ASCC3: variants seen among roughly 807,000 people sequenced by gnomAD.
ASCC3 encodes activating signal cointegrator 1 complex subunit 3.
ASCC3 carries 158 observed loss-of-function variants against 256.3 expected under a neutral mutation model. That is an observed-to-expected ratio of 0.62 (90% CI 0.54 to 0.70). The LOEUF (loss-of-function observed/expected upper bound fraction) is 0.70. Ranked by LOEUF, ASCC3 falls within the 30% of genes least tolerant of loss-of-function variation. The pLI is 0.00. For missense variants in ASCC3, 2,259 were observed against 2,626.0 expected (o/e 0.86, Z 3.05); for synonymous variants, 948 against 883.4 (o/e 1.07, Z -1.30).
chr6:100,855,159 T>C (rs1481848871), intron 3 of ASCC3, among the ~76,000 whole-genome samples: 1 of 151,796 alleles, frequency 6.6e-6, no homozygotes, highest in Non-Finnish European at 1.5e-5. Flanking sequence ...TGTCACCCAG[T>C]CTGGAGTGCA....
chr6:100,866,000 C>T (rs1773461271), intron 2 of ASCC3, among the ~76,000 whole-genome samples: 1 of 145,466 alleles, frequency 6.9e-6, no homozygotes, highest in Non-Finnish European at 1.5e-5. Context: ...GATGGAGTCT[C>T]GCTCTGTCAC....
chr6:100,728,117 T>C (rs1225292565), intron 10 of ASCC3, among the ~76,000 whole-genome samples: 1 of 152,094 alleles, frequency 6.6e-6, no homozygotes, highest in Non-Finnish European at 1.5e-5. Flanking sequence ...CACATATAAA[T>C]GTAACTATAG....
At chr6:100,826,372 C>G (rs1421312948) in intron 4 of ASCC3, among the ~76,000 whole-genome samples, 1 of 152,174 alleles carries the variant, frequency 6.6e-6, no homozygotes, top group East Asian at 1.9e-4. Flanking sequence ...ACCTTGTGAT[C>G]TGCCTGCCTC....
chr6:100,540,106 A>G, intron 37 of ASCC3, 57 bp downstream of exon 37: 1 of 1,485,556 alleles, frequency 6.7e-7, no homozygotes, highest in Non-Finnish European at 9.4e-7. Flanking sequence ...AACTAGAAAA[A>G]AGAGGGCAGG....
chr6:100,546,095 AT>A (rs1250888384), intron 36 of ASCC3, among the ~76,000 whole-genome samples: 1 of 152,164 alleles, frequency 6.6e-6, no homozygotes, highest in Non-Finnish European at 1.5e-5. Context: ...AATTGATTGT[AT>A]TTTTCTGTAT....
At position 100,858,886 on chromosome 6, in the gene ASCC3, A is replaced by G. The variant is rs192853344; in HGVS notation, c.241+5178T>C. 737 of 503,004 alleles carry G rather than the reference A, an allele frequency of 1.5e-3. 10 individuals are homozygous for G. The East Asian group carries it at 0.024, about 16-fold the overall frequency. 31.2% of individuals were successfully genotyped at this position (503,004 alleles called of 1,614,324 possible). On this transcript the variant is annotated intron_variant, in intron 3 of 41. Transcript: ENST00000369162. The stretch of plus-strand genomic sequence containing the variant: ...TTTTTTTCTGATTCAAGAGTCAATC[A>G]AGGATCATACATTACATTTTGATTA...
chr6:100,664,190 A>G (rs1218124566), intron 14 of ASCC3, among the ~76,000 whole-genome samples: 1 of 152,126 alleles, frequency 6.6e-6, no homozygotes, highest in Non-Finnish European at 1.5e-5. Context: ...TATTGGTCTC[A>G]AAATCTCATT....
rs185705910 is a variant in ASCC3 at position 100,735,659 on chromosome 6, C to T, written c.1738-9956G>A. Among the ~76,000 whole-genome samples the T allele has an allele frequency of 3.1e-3, 474 of 152,094 alleles. 4 individuals are homozygous for T. Among genetic ancestry groups the T allele is most frequent in the African/African-American group, 0.011 (463 of 41,494 alleles). ...TTCAGCAATCTTGCTTTCATAATTCCATCCTAGAAAAAGGCACAGACACAA... is the reference window on the plus strand; with the variant it reads ...TTCAGCAATCTTGCTTTCATAATTCTATCCTAGAAAAAGGCACAGACACAA... On this transcript the variant is annotated intron_variant, in intron 10 of 41. Coordinates refer to ENST00000369162, the MANE Select transcript of ASCC3 (RefSeq NM_006828.4).
rs542629307 is a variant in ASCC3 at position 100,531,014 on chromosome 6, C to A, written c.5775+9149G>T. 7.5e-6 allele frequency: 12 copies of A among 1,594,390 alleles called. No individual in the cohort carries two copies. The East Asian group carries it at 2.5e-4, about 33-fold the overall frequency. On this transcript the variant is annotated intron_variant, in intron 37 of 41. Coordinates refer to ENST00000369162, the MANE Select transcript of ASCC3 (RefSeq NM_006828.4). ...TATTGATGACTTTGTGGAATTTGCA[C>A]GCCCTCAAACTGCTGGGACAAAAAG...
At chr6:100,597,051 A>C (rs1470703372) in intron 34 of ASCC3, among the ~76,000 whole-genome samples, 1 of 152,132 alleles carries the variant, frequency 6.6e-6, no homozygotes, top group East Asian at 1.9e-4. Context: ...TGTTTTCTAG[A>C]AAGTGGTCAA....
intron 4 of ASCC3, among the ~76,000 whole-genome samples, chr6:100,814,801 T>C (rs1405933136): frequency 6.6e-6 from 1 of 152,136 alleles, no homozygotes; most frequent in Non-Finnish European, 1.5e-5. Context: ...CCCTTATTCT[T>C]AATTGTGTTT....
chr6:100,755,272 G>C (rs1416825435), intron 10 of ASCC3, among the ~76,000 whole-genome samples: 2 of 152,034 alleles, frequency 1.3e-5, no homozygotes, highest in Non-Finnish European at 2.9e-5. Flanking sequence ...AAGTAAGTTT[G>C]GAAAATGCTA....
chr6:100,698,935 C>A (rs1477946502), intron 13 of ASCC3, among the ~76,000 whole-genome samples: 1 of 152,140 alleles, frequency 6.6e-6, no homozygotes, highest in Admixed American at 6.5e-5. Flanking sequence ...ATTCATCAAA[C>A]ACTGTCTGAG....
chr6:100,657,807 A>C (rs1775986608), intron 16 of ASCC3, among the ~76,000 whole-genome samples: 2 of 151,536 alleles, frequency 1.3e-5, no homozygotes, highest in Admixed American at 6.6e-5. Flanking sequence ...AAGACTACTC[A>C]GAAAAATGAA....
At chr6:100,866,560 C>A (rs1773488643) in intron 2 of ASCC3, among the ~76,000 whole-genome samples, 1 of 152,198 alleles carries the variant, frequency 6.6e-6, no homozygotes, top group Non-Finnish European at 1.5e-5. Flanking sequence ...ATGTGACTAT[C>A]TTTGAAAATC....
At chr6:100,632,539 A>G (rs1298215095) in intron 25 of ASCC3, among the ~76,000 whole-genome samples, 1 of 152,150 alleles carries the variant, frequency 6.6e-6, no homozygotes, top group African/African-American at 2.4e-5. Context: ...AAAACCAGTC[A>G]GACGCATCAC....
Position 100,646,640 on chromosome 6 carries a change from T to C in ASCC3, c.3608A>G (p.Tyr1203Cys), listed in dbSNP as rs7773345. The change falls in exon 22 of 42, where the codon TAT becomes TGT. Residue 1203 changes from tyrosine to cysteine, a missense_variant. Physicochemically the swap from Tyr to Cys is radical, Grantham distance 194. Transcript: ENST00000369162. ...CTGATCATTCCAAGTGAAATCAGCA[T>C]AGATGCTGAGTGTCACTCGGAGGAC... ...RTVLRVTLSI[Y>C]ADFTWNDQVH... The C allele has an allele frequency of 2.6e-3, 4,134 of 1,614,066 alleles. 92 individuals are homozygous for C. The African/African-American group carries it at 0.049, about 19-fold the overall frequency.
At position 100,661,815 on chromosome 6, in the gene ASCC3, T is replaced by A; in HGVS notation, c.2694A>T (p.Leu898=). Residue 898 remains leucine (L), a synonymous_variant, in exon 16 of 42, where the codon CTA becomes CTT. Coordinates refer to ENST00000369162, the MANE Select transcript of ASCC3 (RefSeq NM_006828.4). The part of the protein sequence containing the change: ...SQFLESLADN[L]NAEIALGTVT... ...ACTCATTAGATCTTACCTCTGCATT[T>A]AGGTTATCTGCAAGGCTTTCCAGAA... is the stretch of plus-strand genomic sequence containing the variant. The A allele has an allele frequency of 6.2e-7, 1 of 1,613,030 alleles. No homozygotes were observed. Among genetic ancestry groups the A allele is most frequent in the Non-Finnish European group, 8.5e-7 (1 of 1,179,184 alleles).
chr6:100,671,794 A>T (rs553981442), intron 14 of ASCC3, among the ~76,000 whole-genome samples: 17 of 152,138 alleles, frequency 1.1e-4, no homozygotes, highest in African/African-American at 3.9e-4. Context: ...TAAGGTAAAA[A>T]TGTGACTATT....
Sources: gnomAD v4.1 joint callset for allele counts (sites outside exome capture counted in the v4.1 genomes callset) on GRCh38, gnomAD v4.1.1 for gene constraint, MANE v1.5 for transcripts, NCBI Gene and HGNC (gene_info 2026-07-23, HGNC 2026-07-21) for gene names.